PTPRT: variants seen among roughly 807,000 people sequenced by gnomAD.
PTPRT encodes the protein receptor-type tyrosine-protein phosphatase T.
PTPRT carries 56 observed loss-of-function variants against 176.8 expected under a neutral mutation model. The observed-to-expected ratio is 0.32, with a 90% CI of 0.26 to 0.40. The LOEUF is 0.40. Ranked by LOEUF, PTPRT falls within the 10% of genes least tolerant of loss-of-function variation. The pLI, the probability that PTPRT is intolerant of heterozygous loss-of-function variation, is 1.00. For missense variants in PTPRT, 1,540 were observed against 1,908.2 expected (o/e 0.81, Z 3.60); for synonymous variants, 783 against 739.0 (o/e 1.06, Z -0.96).
Position 42,316,090 on chromosome 20 carries a change from G to A in PTPRT, c.1866-94C>T. ...GGTGTCAACCCAACTTCTCCTATGT[G>A]GAAGCATTGGTTCGGTCTACAACAA... is the stretch of plus-strand genomic sequence containing the variant. On this transcript the variant is annotated intron_variant, in intron 11 of 30. Transcript: ENST00000373187. 3 of 1,383,966 alleles carry A rather than the reference G, an allele frequency of 2.2e-6. No individual in the cohort carries two copies. In the East Asian group the frequency reaches 7.0e-5, roughly 32 times the overall value. The allele number at this position is 1,383,966 out of a possible 1,614,324, so 85.7% of individuals were successfully genotyped here. A position where few individuals can be genotyped will look rare whatever the true frequency, so the allele number is the denominator to read the frequency against.
chr20:42,247,132 G>GA (rs1324826252), intron 14 of PTPRT, among the ~76,000 whole-genome samples: 1 of 152,186 alleles, frequency 6.6e-6, no homozygotes, highest in African/African-American at 2.4e-5. Flanking sequence ...TCTCCAACCA[G>GA]AAAATCAGTA....
At chr20:43,041,660 A>C (rs1986611146) in intron 1 of PTPRT, among the ~76,000 whole-genome samples, 1 of 152,206 alleles carries the variant, frequency 6.6e-6, no homozygotes, top group Non-Finnish European at 1.5e-5. Context: ...TATCCAACCT[A>C]TGGTGAGCAA....
intron 7 of PTPRT, among the ~76,000 whole-genome samples, chr20:42,624,268 G>C (rs769719605): frequency 1.3e-5 from 2 of 152,160 alleles, no homozygotes; most frequent in Non-Finnish European, 2.9e-5. Flanking sequence ...TGATGGACCT[G>C]TATGCTATTC....
At chr20:42,648,440 T>C (rs1471210852) in intron 7 of PTPRT, among the ~76,000 whole-genome samples, 1 of 152,042 alleles carries the variant, frequency 6.6e-6, no homozygotes, top group Non-Finnish European at 1.5e-5. Context: ...ATGTGTTGAA[T>C]CACTACACAG....
intron 1 of PTPRT, among the ~76,000 whole-genome samples, chr20:42,936,133 C>T (rs969315459): frequency 6.6e-6 from 1 of 152,042 alleles, no homozygotes; most frequent in South Asian, 2.1e-4. Context: ...GGAGAAAGAC[C>T]GTAAATGGGA....
At chr20:42,189,866 A>G (rs557731307) in intron 16 of PTPRT, among the ~76,000 whole-genome samples, 114 of 152,182 alleles carry the variant, frequency 7.5e-4, no homozygotes, top group Non-Finnish European at 1.5e-3. Context: ...TATAACTATT[A>G]TATCTTTTTT....
intron 1 of PTPRT, among the ~76,000 whole-genome samples, chr20:43,085,935 T>C (rs368800239): frequency 6.6e-6 from 1 of 152,018 alleles, no homozygotes; most frequent in Non-Finnish European, 1.5e-5. Context: ...TTGTAGGAGT[T>C]TGGAAAAGAG....
chr20:42,884,013 T>C (rs960314297), intron 2 of PTPRT, among the ~76,000 whole-genome samples: 1 of 140,426 alleles, frequency 7.1e-6, no homozygotes, highest in Admixed American at 7.2e-5. Flanking sequence ...AGATCCAGAT[T>C]TATTGGGCCA....
intron 16 of PTPRT, among the ~76,000 whole-genome samples, chr20:42,163,484 T>C (rs948943077): frequency 6.6e-6 from 1 of 152,224 alleles, no homozygotes; most frequent in African/African-American, 2.4e-5. Flanking sequence ...AATGTACCAC[T>C]TGGCAAACAT....
chr20:42,852,996 C>G (rs1046569505), intron 2 of PTPRT, among the ~76,000 whole-genome samples: 1 of 152,214 alleles, frequency 6.6e-6, no homozygotes, highest in East Asian at 1.9e-4. Context: ...GTGAAGGCAT[C>G]AGGAGATGGG....
chr20:43,182,842 A>AAAC (rs747292382), intron 1 of PTPRT, among the ~76,000 whole-genome samples: 25 of 135,668 alleles, frequency 1.8e-4, no homozygotes, highest in African/African-American at 6.0e-4. Context: ...CGCAAAAAAA[A>AAAC]CAAAACAAAA....
chr20:42,296,419 CT>C (rs1568748901), intron 12 of PTPRT, among the ~76,000 whole-genome samples: 1 of 147,408 alleles, frequency 6.8e-6, no homozygotes, highest in African/African-American at 2.5e-5. Flanking sequence ...GCACTCCAGC[CT>C]GGGTAACACA....
chr20:42,417,782 G>T (rs923846541), intron 9 of PTPRT, among the ~76,000 whole-genome samples: 10 of 151,386 alleles, frequency 6.6e-5, no homozygotes, highest in African/African-American at 2.4e-4. Context: ...CTCTCACCCA[G>T]GCTGGAGTAC....
At chr20:42,902,762 G>A (rs2079423252) in intron 1 of PTPRT, among the ~76,000 whole-genome samples, 1 of 152,174 alleles carries the variant, frequency 6.6e-6, no homozygotes, top group African/African-American at 2.4e-5. Context: ...ACAGAGTCGG[G>A]ATTAGAATTA....
chr20:42,452,464 T>C (rs1286012964), intron 8 of PTPRT, among the ~76,000 whole-genome samples: 3 of 152,078 alleles, frequency 2.0e-5, no homozygotes, highest in Non-Finnish European at 4.4e-5. Context: ...AATGGCTCTG[T>C]TTTCTTGAGA....
chr20:42,396,126 C>T (rs1349996107), intron 9 of PTPRT, among the ~76,000 whole-genome samples: 1 of 152,140 alleles, frequency 6.6e-6, no homozygotes, highest in Non-Finnish European at 1.5e-5. Flanking sequence ...ACCTAAATCC[C>T]AATCTTTCTC....
At chr20:42,594,311 C>T (rs963603488) in intron 7 of PTPRT, among the ~76,000 whole-genome samples, 1 of 152,070 alleles carries the variant, frequency 6.6e-6, no homozygotes, top group Non-Finnish European at 1.5e-5. Flanking sequence ...GAGAAACAGA[C>T]TCAAGACATG....
chr20:42,196,684 A>G (rs1204353177), intron 16 of PTPRT, among the ~76,000 whole-genome samples: 3 of 152,190 alleles, frequency 2.0e-5, no homozygotes, highest in African/African-American at 4.8e-5. Context: ...ACCCTGGTCT[A>G]TGTCAACAAC....
In PTPRT at chr20:42,074,779, T is replaced by C. The variant is rs1481625920; in HGVS notation, c.*6100A>G. ...AATGCCCTTTGATGACCTTTTCCCA[T>C]CTCTTCTGGAGGTGGGCAGGTGGGA... On this transcript the variant is annotated 3_prime_UTR_variant, in exon 31 of 31. Coordinates refer to ENST00000373187, the MANE Select transcript of PTPRT (RefSeq NM_007050.6). The C allele has an allele frequency of 5.0e-6, 2 of 398,452 alleles. No individual in the cohort carries two copies. The highest frequency in any genetic ancestry group is 8.8e-6 in the Non-Finnish European group (2 of 226,086). 24.7% of individuals were successfully genotyped at this position (398,452 alleles called of 1,614,324 possible). A position where few individuals can be genotyped will look rare whatever the true frequency, so the allele number is the denominator to read the frequency against.
Sources: allele counts gnomAD v4.1 joint callset (sites outside exome capture counted in the v4.1 genomes callset), GRCh38; gene constraint gnomAD v4.1.1; transcripts MANE v1.5; gene names NCBI Gene and HGNC (gene_info 2026-07-23, HGNC 2026-07-21).